The following OTUD7B variants were observed in gnomAD, a reference collection of about 807,000 sequenced individuals.
The protein encoded by OTUD7B is OTU deubiquitinase 7B.
A neutral mutation model predicts 82.2 loss-of-function variants in OTUD7B; 34 were observed. The observed-to-expected ratio is 0.41, with a 90% CI of 0.31 to 0.55. The LOEUF is 0.55. Ranked by LOEUF, OTUD7B falls within the 20% of genes least tolerant of loss-of-function variation. The pLI, the probability that OTUD7B is intolerant of heterozygous loss-of-function variation, is 0.20. For synonymous variants in OTUD7B, 398 were observed against 402.7 expected (o/e 0.99, Z 0.14); for missense variants, 944 against 1,062.1 (o/e 0.89, Z 1.55).
At chr1:150,001,681 C>T (rs1652294627) in intron 1 of OTUD7B, among the ~76,000 whole-genome samples, 1 of 152,126 alleles carries the variant, frequency 6.6e-6, no homozygotes, top group Admixed American at 6.5e-5. Flanking sequence ...CAAATACTCA[C>T]AAACAAAAAC....
chr1:150,045,450 T>G, the OTUD7B span, among the ~76,000 whole-genome samples: 5 of 88,336 alleles, frequency 5.7e-5, no homozygotes, highest in African/African-American at 2.2e-4. Flanking sequence ...ATGCTAAGCG[T>G]GCGCCCTACC....
intron 3 of OTUD7B, among the ~76,000 whole-genome samples, chr1:149,969,922 G>A (rs887148564): frequency 6.6e-6 from 1 of 151,914 alleles, no homozygotes; most frequent in Non-Finnish European, 1.5e-5. Flanking sequence ...GGCTGGTCTC[G>A]AACTCCTGAC....
At chr1:149,973,940 C>T (rs1328339722) in intron 2 of OTUD7B, among the ~76,000 whole-genome samples, 1 of 147,062 alleles carries the variant, frequency 6.8e-6, no homozygotes, top group Non-Finnish European at 1.5e-5. Context: ...TCACTGCAAT[C>T]TCCACCTCCT....
upstream of OTUD7B, among the ~76,000 whole-genome samples, chr1:150,013,900 A>T (rs1553787892): frequency 7.2e-6 from 1 of 138,510 alleles, no homozygotes. Context: ...CCAGCCGGGC[A>T]ACAGAGTGAG....
the OTUD7B span, among the ~76,000 whole-genome samples, chr1:150,015,810 G>A: frequency 6.6e-6 from 1 of 152,146 alleles, no homozygotes. Context: ...AGGAACACGG[G>A]TGAAACACTA....
the OTUD7B span, among the ~76,000 whole-genome samples, chr1:150,045,056 C>T: frequency 1.3e-5 from 2 of 150,990 alleles, no homozygotes; most frequent in African/African-American, 4.9e-5. Context: ...TTTCAAATCC[C>T]ATATGAAAAT....
chr1:149,993,060 A>G (rs1651700530), intron 1 of OTUD7B, among the ~76,000 whole-genome samples: 1 of 152,146 alleles, frequency 6.6e-6, no homozygotes, highest in African/African-American at 2.4e-5. Flanking sequence ...CTGAGGCAGG[A>G]GCATCGCTTG....
At chr1:149,989,421 C>T (rs1651405924) in intron 1 of OTUD7B, among the ~76,000 whole-genome samples, 1 of 143,178 alleles carries the variant, frequency 7.0e-6, no homozygotes, top group African/African-American at 2.6e-5. Flanking sequence ...TGCACTGAGC[C>T]GAAATCGTGC....
the OTUD7B span, chr1:150,054,684 T>G: frequency 1.3e-5 from 4 of 308,338 alleles, 1 homozygote; most frequent in South Asian, 8.7e-5. Context: ...GGCATGGGCC[T>G]GTAATCCCAG....
chr1:150,018,058 C>T, the OTUD7B span, among the ~76,000 whole-genome samples: 1 of 152,108 alleles, frequency 6.6e-6, no homozygotes, highest in African/African-American at 2.4e-5. Context: ...ATAGAGATGT[C>T]AATGGAAGTC....
chr1:149,987,891 C>T (rs1651261602), intron 1 of OTUD7B, among the ~76,000 whole-genome samples: 1 of 152,174 alleles, frequency 6.6e-6, no homozygotes, highest in African/African-American at 2.4e-5. Context: ...TAGATGTACA[C>T]AGCTACATAG....
At position 149,940,311 on chromosome 1, in the gene OTUD7B, A is replaced by C. The variant is rs1328095350; in HGVS notation, c.*3546T>G. 3 of 152,162 alleles carry C rather than the reference A, an allele frequency of 2.0e-5. No individual in the cohort carries two copies. The highest frequency in any genetic ancestry group is 7.2e-5 in the African/African-American group (3 of 41,448). The allele number at this position is 152,162 out of a possible 1,614,324, so 9.4% of individuals were successfully genotyped here. A position where few individuals can be genotyped will look rare whatever the true frequency, so the allele number is the denominator to read the frequency against. On this transcript the variant is annotated 3_prime_UTR_variant, in exon 12 of 12. Coordinates refer to ENST00000581312, the MANE Select transcript of OTUD7B (RefSeq NM_020205.4). The stretch of plus-strand genomic sequence containing the variant: ...TTAACACCATCTCCACTCCTTAAAA[A>C]GACTGAATCTTTAAAAAATCTTTGG...
the OTUD7B span, among the ~76,000 whole-genome samples, chr1:150,057,903 G>C: frequency 1.3e-5 from 2 of 152,176 alleles, no homozygotes; most frequent in Non-Finnish European, 2.9e-5. Context: ...TGTATAGCTA[G>C]CTAACATCAC....
intron 1 of OTUD7B, among the ~76,000 whole-genome samples, chr1:150,010,055 GTATTA>G (rs1204669105): frequency 6.6e-6 from 1 of 152,038 alleles, no homozygotes; most frequent in Non-Finnish European, 1.5e-5. Flanking sequence ...TTTCATTTTA[GTATTA>G]TATTGAGATT....
the OTUD7B span, among the ~76,000 whole-genome samples, chr1:150,057,187 G>T: frequency 6.6e-6 from 1 of 151,752 alleles, no homozygotes; most frequent in Non-Finnish European, 1.5e-5. Context: ...CCATATTGAC[G>T]GATATTCTAC....
chr1:149,980,087 A>G (rs1650611335), intron 1 of OTUD7B, among the ~76,000 whole-genome samples: 1 of 152,026 alleles, frequency 6.6e-6, no homozygotes, highest in African/African-American at 2.4e-5. Context: ...TCACAGCCAG[A>G]CAGTCTTCTG....
upstream of OTUD7B, among the ~76,000 whole-genome samples, chr1:150,012,850 C>T (rs1299835255): frequency 6.6e-6 from 1 of 151,884 alleles, no homozygotes; most frequent in Non-Finnish European, 1.5e-5. Flanking sequence ...TTTGGTCAGC[C>T]CAGGCTGTGT....
At chr1:149,982,887 C>T (rs1650869771) in intron 1 of OTUD7B, among the ~76,000 whole-genome samples, 1 of 124,570 alleles carries the variant, frequency 8.0e-6, no homozygotes, top group Admixed American at 1.0e-4. Context: ...CGCTCTGTCT[C>T]CCAGGCTGGA....
rs1436022425 is a variant in OTUD7B, at chr1:149,950,800, T to TTC, written c.846-580_846-579insGA. ...CCCGTGTGTTTTTTGTTTTTTTTTCTTTTTTTTTTTTGAGATAGAGTCTCG... is the reference window on the plus strand; with the variant it reads ...CCCGTGTGTTTTTTGTTTTTTTTTCTTCTTTTTTTTTTTGAGATAGAGTCTCG... On this transcript the variant is annotated intron_variant, in intron 7 of 11. Coordinates refer to ENST00000581312, the MANE Select transcript of OTUD7B (RefSeq NM_020205.4). Among the ~76,000 whole-genome samples the TTC allele has an allele frequency of 8.5e-5, 5 of 58,872 alleles. 2 individuals are homozygous for TTC. Among genetic ancestry groups the TTC allele is most frequent in the Admixed American group, 3.3e-4 (2 of 6,136 alleles). 38.6% of individuals were successfully genotyped at this position (58,872 alleles called of 152,430 possible).
Sources: allele counts gnomAD v4.1 joint callset (sites outside exome capture counted in the v4.1 genomes callset), GRCh38; gene constraint gnomAD v4.1.1; transcripts MANE v1.5; gene names NCBI Gene and HGNC (gene_info 2026-07-23, HGNC 2026-07-21).